The following EMCN variants were observed in gnomAD, a reference collection of about 807,000 sequenced individuals.
The protein encoded by EMCN is MUC-14.
A neutral mutation model predicts 38.4 loss-of-function variants in EMCN; 37 were observed. The ratio of observed to expected loss-of-function variants is 0.96; its 90% CI spans 0.74 to 1.27. The LOEUF is 1.27. Ranked by LOEUF, EMCN falls within the 50% of genes most tolerant of loss-of-function variation. The pLI is 0.00. For synonymous variants in EMCN, 95 were observed against 100.8 expected (o/e 0.94, Z 0.35); for missense variants, 318 against 302.8 (o/e 1.05, Z -0.37).
chr4:100,477,940 C>T (rs892617643), intron 2 of EMCN, among the ~76,000 whole-genome samples: 10 of 152,224 alleles, frequency 6.6e-5, no homozygotes, highest in Non-Finnish European at 1.3e-4. Flanking sequence ...CATGATAATT[C>T]TTAAGATAAA....
At chr4:100,426,214 G>T (rs1426815302) in intron 5 of EMCN, among the ~76,000 whole-genome samples, 2 of 152,078 alleles carry the variant, frequency 1.3e-5, no homozygotes, top group Non-Finnish European at 2.9e-5. Context: ...TCCAACTATA[G>T]AAAGCATAAG....
chr4:100,503,379 T>C (rs1729399694), intron 1 of EMCN, among the ~76,000 whole-genome samples: 1 of 152,158 alleles, frequency 6.6e-6, no homozygotes, highest in Non-Finnish European at 1.5e-5. Context: ...TTTCATAATA[T>C]CTATTTATTA....
intron 1 of EMCN, among the ~76,000 whole-genome samples, chr4:100,489,531 T>A (rs2110290574): frequency 6.6e-6 from 1 of 152,292 alleles, no homozygotes; most frequent in East Asian, 1.9e-4. Context: ...TCTAATGACA[T>A]CATAGCTGTT....
At chr4:100,430,761 C>T (rs1428708214) in intron 5 of EMCN, among the ~76,000 whole-genome samples, 1 of 152,138 alleles carries the variant, frequency 6.6e-6, no homozygotes, top group Non-Finnish European at 1.5e-5. Context: ...AGAATCTGTA[C>T]AATTTCTTAA....
intron 1 of EMCN, among the ~76,000 whole-genome samples, chr4:100,501,237 G>GT (rs1333113972): frequency 6.6e-6 from 1 of 152,090 alleles, no homozygotes; most frequent in Non-Finnish European, 1.5e-5. Context: ...GTAGTGCTAT[G>GT]TAAGAGTCTA....
At chr4:100,454,477 T>C (rs1159357266) in intron 4 of EMCN, among the ~76,000 whole-genome samples, 5 of 152,078 alleles carry the variant, frequency 3.3e-5, no homozygotes, top group Non-Finnish European at 7.4e-5. Flanking sequence ...ACCTGGTCTG[T>C]GATGAGTTAA....
intron 1 of EMCN, among the ~76,000 whole-genome samples, chr4:100,485,840 T>A (rs879295464): frequency 6.6e-6 from 1 of 151,994 alleles, no homozygotes; most frequent in Admixed American, 6.6e-5. Context: ...AAGAAAAAAA[T>A]TATTATGTGA....
chr4:100,450,484 G>A (rs543693684), intron 4 of EMCN, among the ~76,000 whole-genome samples: 2 of 151,928 alleles, frequency 1.3e-5, no homozygotes, highest in South Asian at 4.2e-4. Context: ...CCTAGAACAT[G>A]ATAATATCAT....
At position 100,482,900 on chromosome 4, in the gene EMCN, G is replaced by A. The variant is rs986549820; in HGVS notation, c.65-2861C>T. Among the ~76,000 whole-genome samples, 26 of 152,134 alleles carry A rather than the reference G, an allele frequency of 1.7e-4. 1 individual carries two copies. Among genetic ancestry groups the A allele is most frequent in the Middle Eastern group, 3.2e-3 (1 of 316 alleles). ...GTTCACATCCAAAAAATGACTGTAT[G>A]AAAACTACAATTAAGTGAATTTCTA... On this transcript the variant is annotated intron_variant, in intron 1 of 11. Coordinates refer to ENST00000296420, the MANE Select transcript of EMCN (RefSeq NM_016242.4).
chr4:100,426,489 T>C (rs1727049222), intron 5 of EMCN, among the ~76,000 whole-genome samples: 1 of 152,154 alleles, frequency 6.6e-6, no homozygotes, highest in African/African-American at 2.4e-5. Flanking sequence ...CTGGTGGCTC[T>C]TCTAGACTTT....
chr4:100,472,283 CAT>C (rs1431034537), intron 3 of EMCN, among the ~76,000 whole-genome samples: 1 of 150,894 alleles, frequency 6.6e-6, no homozygotes, highest in African/African-American at 2.4e-5. Context: ...ATAATACTAA[CAT>C]ATAAAAATAA....
chr4:100,466,889 T>C (rs960855760), intron 3 of EMCN, among the ~76,000 whole-genome samples: 1 of 152,068 alleles, frequency 6.6e-6, no homozygotes, highest in African/African-American at 2.4e-5. Context: ...GGAGAAAAAT[T>C]CTTCAGCTGA....
intron 10 of EMCN, among the ~76,000 whole-genome samples, chr4:100,414,720 A>T (rs4699801): frequency 0.17 from 25,713 of 151,926 alleles, 3,541 homozygotes; most frequent in East Asian, 0.71. Flanking sequence ...TGAAATTGAG[A>T]ACACTTTCAG....
intron 5 of EMCN, among the ~76,000 whole-genome samples, chr4:100,431,348 A>C (rs1361050134): frequency 6.6e-6 from 1 of 152,194 alleles, no homozygotes; most frequent in African/African-American, 2.4e-5. Flanking sequence ...TTGGTCAAGC[A>C]TTGTTGTGAG....
At chr4:100,458,662 C>T (rs1167683473) in intron 4 of EMCN, among the ~76,000 whole-genome samples, 1 of 152,068 alleles carries the variant, frequency 6.6e-6, no homozygotes, top group Non-Finnish European at 1.5e-5. Context: ...AGTCAGAAGG[C>T]CTAAAACTAA....
At chr4:100,462,769 T>C (rs1030686385) in intron 4 of EMCN, among the ~76,000 whole-genome samples, 1 of 152,074 alleles carries the variant, frequency 6.6e-6, no homozygotes, top group South Asian at 2.1e-4. Context: ...CTCTACGGGG[T>C]GACTGTCCCA....
chr4:100,419,181 G>A (rs970807361), intron 8 of EMCN, among the ~76,000 whole-genome samples: 1 of 152,054 alleles, frequency 6.6e-6, no homozygotes, highest in Non-Finnish European at 1.5e-5. Flanking sequence ...TTTGGTTAAA[G>A]TTCAGTCCAC....
intron 1 of EMCN, among the ~76,000 whole-genome samples, chr4:100,517,641 T>C (rs987165936): frequency 1.3e-5 from 2 of 152,080 alleles, no homozygotes; most frequent in Non-Finnish European, 2.9e-5. Context: ...TTCAGGCTGC[T>C]GTACCCGCAA....
chr4:100,415,157 A>G (rs529421817), intron 10 of EMCN, among the ~76,000 whole-genome samples: 5 of 152,284 alleles, frequency 3.3e-5, no homozygotes, highest in East Asian at 3.9e-4. Context: ...TCAGCCTCCC[A>G]AAGTGCTGGG....
Sources: gnomAD v4.1 joint callset for allele counts (sites outside exome capture counted in the v4.1 genomes callset) on GRCh38, gnomAD v4.1.1 for gene constraint, MANE v1.5 for transcripts, NCBI Gene and HGNC (gene_info 2026-07-23, HGNC 2026-07-21) for gene names.